LPAR1: variants seen among roughly 807,000 people sequenced by gnomAD.
LPAR1 encodes LPA receptor 1.
LPAR1 carries 5 observed loss-of-function variants against 23.8 expected under a neutral mutation model. The ratio of observed to expected loss-of-function variants is 0.21; its 90% CI spans 0.11 to 0.44. The LOEUF (loss-of-function observed/expected upper bound fraction) is 0.44. LPAR1 is among the 20% of genes least tolerant of loss of function. The pLI, the probability that LPAR1 is intolerant of heterozygous loss-of-function variation, is 0.99. For synonymous variants in LPAR1, 160 were observed against 164.7 expected (o/e 0.97, Z 0.22); for missense variants, 311 against 482.8 (o/e 0.64, Z 3.33).
At chr9:110,925,443 T>G (rs1049011161) in intron 5 of LPAR1, among the ~76,000 whole-genome samples, 1 of 152,152 alleles carries the variant, frequency 6.6e-6, no homozygotes. Context: ...ATAATCCTGA[T>G]AGATGACAGT....
chr9:111,023,534 T>C (rs752863718), intron 2 of LPAR1, among the ~76,000 whole-genome samples: 17 of 152,084 alleles, frequency 1.1e-4, no homozygotes, highest in Non-Finnish European at 2.1e-4. Context: ...TTTTGGTTCA[T>C]ATGCTCCATC....
intron 4 of LPAR1, among the ~76,000 whole-genome samples, chr9:110,968,863 T>C (rs1340278864): frequency 6.6e-6 from 1 of 152,188 alleles, no homozygotes; most frequent in Admixed American, 6.5e-5. Flanking sequence ...AATTATTTCA[T>C]TTCCGCCTTA....
intron 4 of LPAR1, among the ~76,000 whole-genome samples, chr9:110,955,657 T>TA (rs1431305228): frequency 6.8e-6 from 1 of 148,144 alleles, no homozygotes; most frequent in Non-Finnish European, 1.5e-5. Context: ...ATAGACCACA[T>TA]AAAAAAGTCT....
At chr9:110,907,073 T>C (rs1302736509) in intron 5 of LPAR1, among the ~76,000 whole-genome samples, 1 of 152,106 alleles carries the variant, frequency 6.6e-6, no homozygotes, top group Non-Finnish European at 1.5e-5. Context: ...ATTTGAAAAA[T>C]GTTAAAAATT....
chr9:111,024,948 A>AT (rs2097660004), intron 2 of LPAR1, among the ~76,000 whole-genome samples: 3 of 152,188 alleles, frequency 2.0e-5, no homozygotes, highest in African/African-American at 7.2e-5. Context: ...CCAGTCTATC[A>AT]TTGATGGGCA....
chr9:110,907,713 A>G (rs1313742874), intron 5 of LPAR1, among the ~76,000 whole-genome samples: 1 of 152,212 alleles, frequency 6.6e-6, no homozygotes, highest in African/African-American at 2.4e-5. Context: ...TTCCCAATAT[A>G]TCTGTACTAA....
At chr9:110,936,145 G>C (rs56294244) in intron 5 of LPAR1, among the ~76,000 whole-genome samples, 4 of 152,118 alleles carry the variant, frequency 2.6e-5, no homozygotes, top group Non-Finnish European at 5.9e-5. Context: ...ACATGAACCC[G>C]AGTGCTTTGC....
intron 4 of LPAR1, among the ~76,000 whole-genome samples, chr9:110,951,479 T>G (rs1588498637): frequency 6.6e-6 from 1 of 152,188 alleles, no homozygotes; most frequent in Non-Finnish European, 1.5e-5. Context: ...GGGGCACCGA[T>G]GTGGATAGGC....
At chr9:110,925,891 C>A (rs2093985913) in intron 5 of LPAR1, among the ~76,000 whole-genome samples, 1 of 152,106 alleles carries the variant, frequency 6.6e-6, no homozygotes, top group Non-Finnish European at 1.5e-5. Context: ...CTAGGTCACA[C>A]AATTAACATG....
intron 2 of LPAR1, among the ~76,000 whole-genome samples, chr9:111,012,460 C>T (rs994135421): frequency 1.5e-4 from 18 of 118,202 alleles, no homozygotes; most frequent in South Asian, 2.5e-4. Flanking sequence ...CATGCATGTA[C>T]GCACGCGCGC....
intron 2 of LPAR1, among the ~76,000 whole-genome samples, chr9:111,031,396 AAAAAAAAAAAG>A (rs1057219513): frequency 9.4e-5 from 14 of 149,314 alleles, no homozygotes; most frequent in South Asian, 4.2e-4. Context: ...ATTTCTTTAA[AAAAAAAAAAAG>A]AAAAAAAAAA....
chr9:110,909,953 T>C (rs987528019), intron 5 of LPAR1, among the ~76,000 whole-genome samples: 6 of 152,076 alleles, frequency 3.9e-5, no homozygotes, highest in Non-Finnish European at 7.3e-5. Context: ...TTCATCATAT[T>C]GCCCAGGCTG....
At chr9:110,963,933 A>C (rs2096097471) in intron 4 of LPAR1, among the ~76,000 whole-genome samples, 1 of 152,262 alleles carries the variant, frequency 6.6e-6, no homozygotes, top group South Asian at 2.1e-4. Flanking sequence ...ACGCCCATGC[A>C]TTACCTTTTC....
intron 4 of LPAR1, among the ~76,000 whole-genome samples, chr9:110,960,171 A>G (rs1182331318): frequency 6.6e-6 from 1 of 152,178 alleles, no homozygotes. Context: ...TTCCCAACAC[A>G]TTGATATGGA....
chr9:111,027,978 A>C (rs1486504119), intron 2 of LPAR1, among the ~76,000 whole-genome samples: 2 of 151,834 alleles, frequency 1.3e-5, no homozygotes, highest in Non-Finnish European at 2.9e-5. Flanking sequence ...ACACACATTA[A>C]ATAGTGTGAC....
chr9:111,018,801 C>T (rs1030220338), intron 2 of LPAR1, among the ~76,000 whole-genome samples: 7 of 152,150 alleles, frequency 4.6e-5, no homozygotes, highest in South Asian at 4.1e-4. Flanking sequence ...AATCAGTCTA[C>T]GGAAATTACA....
chr9:110,959,766 T>A (rs1029848535), intron 4 of LPAR1, among the ~76,000 whole-genome samples: 1 of 152,124 alleles, frequency 6.6e-6, no homozygotes, highest in Admixed American at 6.5e-5. Flanking sequence ...AATTAATGAA[T>A]GGATAAAGAA....
At chr9:111,014,879 C>CA (rs1385760301) in intron 2 of LPAR1, among the ~76,000 whole-genome samples, 1 of 151,994 alleles carries the variant, frequency 6.6e-6, no homozygotes, top group African/African-American at 2.4e-5. Flanking sequence ...CTGTGTCCCC[C>CA]CGAGAAATTC....
chr9:111,035,533 T>C (rs569696782), intron 2 of LPAR1, among the ~76,000 whole-genome samples: 205 of 152,276 alleles, frequency 1.3e-3, no homozygotes, highest in African/African-American at 4.8e-3. Context: ...CCGGGATATT[T>C]AAATAAGAGG....
Sources: gnomAD v4.1 joint callset for allele counts (sites outside exome capture counted in the v4.1 genomes callset) on GRCh38, gnomAD v4.1.1 for gene constraint, MANE v1.5 for transcripts, NCBI Gene and HGNC (gene_info 2026-07-23, HGNC 2026-07-21) for gene names.